The following FRMD6 variants were observed in gnomAD, a reference collection of about 807,000 sequenced individuals.
FRMD6 encodes FERM domain containing 6, also known as FERM domain-containing protein 6.
Under a neutral mutation model 73.2 loss-of-function variants are expected in FRMD6, and 37 were observed. The ratio of observed to expected loss-of-function variants is 0.51; its 90% CI spans 0.39 to 0.66. The LOEUF (loss-of-function observed/expected upper bound fraction) is 0.66. Ranked by LOEUF, FRMD6 falls within the 30% of genes least tolerant of loss-of-function variation. The probability of loss-of-function intolerance (pLI) is 0.00; values close to 1 mark genes in which losing one functional copy is unlikely to be tolerated. For synonymous variants in FRMD6, 273 were observed against 282.2 expected (o/e 0.97, Z 0.33); for missense variants, 714 against 780.5 (o/e 0.91, Z 1.02).
chr14:51,570,273 AAAAGT>A (rs1422791085), intron 1 of FRMD6: 1 of 152,236 alleles, frequency 6.6e-6, no homozygotes. Flanking sequence ...TAATCTGTCT[AAAAGT>A]AATGCTAATT....
intron 2 of FRMD6, among the ~76,000 whole-genome samples, chr14:51,581,459 C>T (rs889512843): frequency 1.3e-5 from 2 of 152,190 alleles, no homozygotes; most frequent in Admixed American, 1.3e-4. Flanking sequence ...TAATCATTCT[C>T]CTCTTTCTTC....
chr14:51,505,172 T>C (rs186100916), intron 1 of FRMD6, among the ~76,000 whole-genome samples: 4 of 152,304 alleles, frequency 2.6e-5, no homozygotes, highest in Admixed American at 2.6e-4. Context: ...CCCCCGAATA[T>C]TCTCCCAGAA....
chr14:51,431,906 C>T, the FRMD6 span, among the ~76,000 whole-genome samples: 1 of 152,170 alleles, frequency 6.6e-6, no homozygotes, highest in African/African-American at 2.4e-5. Flanking sequence ...CTTTTAAAGT[C>T]ACCCACTTTG....
At chr14:51,678,783 C>G (rs1894575050) in intron 1 of FRMD6, among the ~76,000 whole-genome samples, 1 of 121,082 alleles carries the variant, frequency 8.3e-6, no homozygotes. Flanking sequence ...AGACCAGCAT[C>G]TTGAGTTTCC....
intron 1 of FRMD6, among the ~76,000 whole-genome samples, chr14:51,681,001 T>C (rs948315228): frequency 6.6e-6 from 1 of 152,224 alleles, no homozygotes; most frequent in Non-Finnish European, 1.5e-5. Flanking sequence ...TGATTTATAA[T>C]GCTAACCACA....
At chr14:51,573,653 C>T (rs1343154582) in intron 2 of FRMD6, among the ~76,000 whole-genome samples, 3 of 152,176 alleles carry the variant, frequency 2.0e-5, no homozygotes, top group Admixed American at 6.5e-5. Flanking sequence ...GCCAACATCA[C>T]GCTGGTCGTT....
chr14:51,473,839 T>TA, the FRMD6 span, among the ~76,000 whole-genome samples: 1 of 148,992 alleles, frequency 6.7e-6, no homozygotes, highest in African/African-American at 2.5e-5. Flanking sequence ...TTTTTTTTTT[T>TA]AAATCCCAAG....
intron 2 of FRMD6, among the ~76,000 whole-genome samples, chr14:51,614,283 T>G (rs1425978243): frequency 6.6e-6 from 1 of 152,198 alleles, no homozygotes; most frequent in African/African-American, 2.4e-5. Flanking sequence ...TTGCAAGGCT[T>G]AAGTATTCTA....
At chr14:51,469,702 G>C in the FRMD6 span, among the ~76,000 whole-genome samples, 1 of 149,002 alleles carries the variant, frequency 6.7e-6, no homozygotes, top group Non-Finnish European at 1.5e-5. Context: ...ATTTTATTAA[G>C]AATTTTTGTC....
At chr14:51,546,503 G>A (rs1449982654) in intron 1 of FRMD6, 2 of 147,534 alleles carry the variant, frequency 1.4e-5, no homozygotes, top group African/African-American at 5.0e-5. Flanking sequence ...ATATCTAATG[G>A]GGTAAAGGTA....
chr14:51,560,111 C>T (rs190762572), intron 1 of FRMD6, among the ~76,000 whole-genome samples: 3 of 152,252 alleles, frequency 2.0e-5, no homozygotes, highest in African/African-American at 7.2e-5. Context: ...TAGCAATCTG[C>T]AATACATTTA....
the FRMD6 span, among the ~76,000 whole-genome samples, chr14:51,478,803 C>T: frequency 3.9e-5 from 6 of 152,130 alleles, no homozygotes; most frequent in Admixed American, 1.3e-4. Flanking sequence ...GAAAACAGAT[C>T]GGGATGCTAT....
intron 10 of FRMD6, 135 bp downstream of exon 10, chr14:51,715,634 A>G (rs925660981): frequency 3.7e-5 from 23 of 617,622 alleles, no homozygotes; most frequent in Non-Finnish European, 5.8e-5. Context: ...CAGCATTACT[A>G]TTTACATCTC....
At chr14:51,536,035 C>CAT (rs1268091900) in intron 1 of FRMD6, among the ~76,000 whole-genome samples, 1 of 146,742 alleles carries the variant, frequency 6.8e-6, no homozygotes, top group Admixed American at 6.9e-5. Flanking sequence ...AATCCTTGCC[C>CAT]ATATATATAT....
chr14:51,514,380 A>G (rs1884499941), intron 1 of FRMD6, among the ~76,000 whole-genome samples: 1 of 152,196 alleles, frequency 6.6e-6, no homozygotes, highest in African/African-American at 2.4e-5. Flanking sequence ...GAGCATTAGG[A>G]CAAATACCTA....
chr14:51,627,957 C>T (rs1891178732), intron 2 of FRMD6, among the ~76,000 whole-genome samples: 1 of 152,174 alleles, frequency 6.6e-6, no homozygotes, highest in Admixed American at 6.5e-5. Flanking sequence ...ACACATCTTC[C>T]TCATATATTT....
At chr14:51,688,147 TGG>T (rs930464144) in intron 1 of FRMD6, among the ~76,000 whole-genome samples, 1 of 152,030 alleles carries the variant, frequency 6.6e-6, no homozygotes, top group Non-Finnish European at 1.5e-5. Flanking sequence ...ATGAGTAGCT[TGG>T]GGCATAGTTT....
At chr14:51,555,495 GCTC>G (rs1001311451) in intron 1 of FRMD6, among the ~76,000 whole-genome samples, 33 of 152,220 alleles carry the variant, frequency 2.2e-4, no homozygotes, top group African/African-American at 7.5e-4. Flanking sequence ...GATGTAGTCT[GCTC>G]CTGGTTAAAA....
chr14:51,427,901 C>T, the FRMD6 span, among the ~76,000 whole-genome samples: 1 of 152,126 alleles, frequency 6.6e-6, no homozygotes. Context: ...AAACATTGAC[C>T]AGCAAACAAC....
Sources: allele counts gnomAD v4.1 joint callset (sites outside exome capture counted in the v4.1 genomes callset), GRCh38; gene constraint gnomAD v4.1.1; transcripts MANE v1.5; gene names NCBI Gene and HGNC (gene_info 2026-07-23, HGNC 2026-07-21).